Variants in C17orf99 observed in about 807,000 individuals in gnomAD.
C17orf99 encodes the protein chromosome 17 open reading frame 99, also known as protein IL-40.
C17orf99 carries 18 observed loss-of-function variants against 22.6 expected under a neutral mutation model. The observed-to-expected ratio is 0.80, with a 90% CI of 0.55 to 1.18. C17orf99 has a LOEUF of 1.18. Among genes scored for constraint, C17orf99 ranks in the 50% most tolerant of loss-of-function variants. The pLI is 0.00. For missense variants in C17orf99, 328 were observed against 342.7 expected (o/e 0.96, Z 0.34); for synonymous variants, 147 against 136.6 (o/e 1.08, Z -0.53).
At chr17:78,156,807 G>A (rs2075528739) in intron 2 of C17orf99, among the ~76,000 whole-genome samples, 1 of 151,898 alleles carries the variant, frequency 6.6e-6, no homozygotes, top group Non-Finnish European at 1.5e-5. Context: ...TATTTTTAGA[G>A]TAGTTCTCAC....
chr17:78,157,875 C>T (rs35426527), intron 2 of C17orf99: 2 of 1,070,170 alleles, frequency 1.9e-6, no homozygotes, highest in Non-Finnish European at 2.8e-6. Flanking sequence ...GTCGAGATGT[C>T]TACTTCGATG....
At chr17:78,160,826 G>A (rs754738866) in intron 2 of C17orf99, 129 bp from the exon 3 acceptor site, 13 of 697,328 alleles carry the variant, frequency 1.9e-5, no homozygotes, top group Middle Eastern at 3.5e-4. Context: ...CAAGTGATCC[G>A]TCCACCTGGA....
At chr17:78,153,468 G>C (rs889862430) in intron 2 of C17orf99, among the ~76,000 whole-genome samples, 1 of 150,076 alleles carries the variant, frequency 6.7e-6, no homozygotes, top group African/African-American at 2.5e-5. Flanking sequence ...CTGGGCGACA[G>C]AGCAAGACTC....
chr17:78,151,834 C>T (rs1049256480), intron 2 of C17orf99, among the ~76,000 whole-genome samples: 1 of 152,180 alleles, frequency 6.6e-6, no homozygotes, highest in East Asian at 1.9e-4. Flanking sequence ...TAACGGACGG[C>T]GGCTTATTCA....
intron 2 of C17orf99, among the ~76,000 whole-genome samples, chr17:78,151,518 C>G (rs1228082100): frequency 6.6e-6 from 1 of 151,664 alleles, no homozygotes; most frequent in Non-Finnish European, 1.5e-5. Flanking sequence ...GTGCTGGAAG[C>G]TGCATTCCAA....
intron 2 of C17orf99, chr17:78,158,147 A>T: frequency 1.2e-6 from 1 of 804,906 alleles, no homozygotes; most frequent in African/African-American, 1.7e-5. Context: ...AGAGATCCTG[A>T]TCATGGTGCT....
intron 2 of C17orf99, among the ~76,000 whole-genome samples, chr17:78,154,652 A>G (rs1452584447): frequency 6.6e-6 from 1 of 151,878 alleles, no homozygotes; most frequent in Admixed American, 6.6e-5. Context: ...AGACCAGCCT[A>G]ACCAACATGG....
intron 2 of C17orf99, among the ~76,000 whole-genome samples, chr17:78,150,898 G>A (rs759087604): frequency 5.9e-5 from 9 of 152,144 alleles, no homozygotes; most frequent in Non-Finnish European, 1.0e-4. Flanking sequence ...CGAGGTAGGC[G>A]GATCACTTGA....
chr17:78,163,706 A>G (rs1020632602), intron 3 of C17orf99, among the ~76,000 whole-genome samples: 5 of 152,110 alleles, frequency 3.3e-5, no homozygotes, highest in Non-Finnish European at 7.4e-5. Flanking sequence ...TCTCTGCAAA[A>G]AATACAAAAA....
intron 2 of C17orf99, among the ~76,000 whole-genome samples, chr17:78,154,504 C>T (rs964308738): frequency 1.3e-5 from 2 of 151,808 alleles, no homozygotes; most frequent in Admixed American, 6.6e-5. Flanking sequence ...GCCAAGATTA[C>T]ACCACTGCCC....
At chr17:78,159,911 A>G (rs1215066153) in intron 2 of C17orf99, among the ~76,000 whole-genome samples, 2 of 152,020 alleles carry the variant, frequency 1.3e-5, no homozygotes, top group East Asian at 3.9e-4. Flanking sequence ...ATTTCTTTCT[A>G]AGGCTGAGTA....
At position 78,161,704 on chromosome 17, in the gene C17orf99, C is replaced by T. The variant is rs186219181; in HGVS notation, c.370+450C>T. Among the ~76,000 whole-genome samples, 228 of 152,008 alleles carry T rather than the reference C, an allele frequency of 1.5e-3. 2 individuals carry two copies. The highest frequency in any genetic ancestry group is 5.0e-3 in the African/African-American group (206 of 41,458). On this transcript the variant is annotated intron_variant, in intron 3 of 4. Coordinates refer to ENST00000340363, the MANE Select transcript of C17orf99 (RefSeq NM_001163075.2). ...ACTAAAATTACAAAGATTAGCTGGG[C>T]GTGGCGGGGTGCACCTGTAGTTCCA...
At chr17:78,150,817 C>T (rs1244794856) in intron 2 of C17orf99, among the ~76,000 whole-genome samples, 1 of 152,028 alleles carries the variant, frequency 6.6e-6, no homozygotes, top group Admixed American at 6.6e-5. Flanking sequence ...TCCGGCTGAG[C>T]CTACACTCCA....
intron 2 of C17orf99, chr17:78,157,921 T>C (rs61754884): frequency 1.7e-6 from 2 of 1,153,440 alleles, no homozygotes; most frequent in Non-Finnish European, 2.6e-6. Context: ...TCCACCTGGT[T>C]GGTACTGACA....
chr17:78,151,567 G>T (rs779034802), intron 2 of C17orf99, among the ~76,000 whole-genome samples: 4 of 151,804 alleles, frequency 2.6e-5, no homozygotes, highest in Admixed American at 6.6e-5. Context: ...CCAAGGCCCC[G>T]CGGGAGCACC....
intron 3 of C17orf99, among the ~76,000 whole-genome samples, chr17:78,163,686 T>C (rs1049499268): frequency 6.6e-6 from 1 of 152,098 alleles, no homozygotes; most frequent in South Asian, 2.1e-4. Context: ...GCCAACATGG[T>C]GAAACCCCAT....
In C17orf99 at chr17:78,146,509, G is replaced by A; in HGVS notation, c.37+65G>A. ...GGCCTTGAGGTCTTGGGCTCAGGTGGGGGTACTGGGAGCACAGGAGAGATG... is the reference window on the plus strand; with the variant it reads ...GGCCTTGAGGTCTTGGGCTCAGGTGAGGGTACTGGGAGCACAGGAGAGATG... On this transcript the variant is annotated intron_variant, in intron 1 of 4. Transcript: ENST00000340363. The surrounding 1 kb of genome is among the most constrained non-coding windows in gnomAD (Gnocchi z 5.2). 1.4e-6 allele frequency: 2 copies of A among 1,436,722 alleles called. No homozygotes were observed. Among genetic ancestry groups the A allele is most frequent in the South Asian group, 1.2e-5 (1 of 81,950 alleles). 89.0% of individuals were successfully genotyped at this position (1,436,722 alleles called of 1,614,324 possible). A position where few individuals can be genotyped will look rare whatever the true frequency, so the allele number is the denominator to read the frequency against.
chr17:78,147,410 C>T (rs552036676), intron 2 of C17orf99, among the ~76,000 whole-genome samples: 1 of 152,272 alleles, frequency 6.6e-6, no homozygotes, highest in Non-Finnish European at 1.5e-5. Context: ...CACGAGGCTG[C>T]CTTCCTTATA....
intron 3 of C17orf99, among the ~76,000 whole-genome samples, chr17:78,162,138 T>C (rs1389905394): frequency 6.6e-6 from 1 of 151,910 alleles, no homozygotes; most frequent in Admixed American, 6.6e-5. Flanking sequence ...TAGCTGGGTG[T>C]GGTGGTGGGC....
Sources: allele counts gnomAD v4.1 joint callset (sites outside exome capture counted in the v4.1 genomes callset), GRCh38; gene constraint gnomAD v4.1.1; non-coding constraint Gnocchi (gnomAD v3.1); transcripts MANE v1.5; gene names NCBI Gene and HGNC (gene_info 2026-07-23, HGNC 2026-07-21).